The following WDR37 variants were observed in gnomAD, a reference collection of about 807,000 sequenced individuals.
The protein encoded by WDR37 is WD repeat domain 37.
A neutral mutation model predicts 62.9 loss-of-function variants in WDR37; 19 were observed. The ratio of observed to expected loss-of-function variants is 0.30; its 90% CI spans 0.21 to 0.44. The LOEUF is 0.44. WDR37 is among the 20% of genes least tolerant of loss of function. The pLI is 1.00. For missense variants in WDR37, 474 were observed against 657.6 expected (o/e 0.72, Z 3.05); for synonymous variants, 250 against 260.9 (o/e 0.96, Z 0.40).
At chr10:1,068,804 T>C (rs555250515) in intron 1 of WDR37, among the ~76,000 whole-genome samples, 132 of 152,332 alleles carry the variant, frequency 8.7e-4, no homozygotes, top group Middle Eastern at 3.4e-3. Context: ...TTAACCTTCA[T>C]AATAACCTAA....
chr10:1,126,173 A>G (rs1485162140), intron 13 of WDR37, among the ~76,000 whole-genome samples: 1 of 152,130 alleles, frequency 6.6e-6, no homozygotes, highest in Non-Finnish European at 1.5e-5. Flanking sequence ...TGGGAGGCTG[A>G]GGCGGGCAGA....
chr10:1,095,753 C>T (rs896169660), intron 8 of WDR37, among the ~76,000 whole-genome samples: 1 of 152,162 alleles, frequency 6.6e-6, no homozygotes, highest in Non-Finnish European at 1.5e-5. Flanking sequence ...GTGCCTGGCC[C>T]ATTGAAAGGC....
At position 1,084,510 on chromosome 10, in the gene WDR37, G is replaced by C. The variant is rs958078436; in HGVS notation, c.504G>C (p.Gln168His). 1 of 1,614,068 alleles carries C rather than the reference G, an allele frequency of 6.2e-7. No individual in the cohort carries two copies. The highest frequency in any genetic ancestry group is 1.7e-5 in the Admixed American group (1 of 60,000). ...GGGATGTCAGCGTGGCCAAGACACA[G>C]CCAGTGGTGCTCGGGACTGCATCAG... is the stretch of plus-strand genomic sequence containing the variant. ...GIWDVSVAKT[Q>H]PVVLGTASAD... The change falls in exon 6 of 14, where the codon CAG becomes CAC. Residue 168 changes from glutamine to histidine, a missense_variant. Gln to His is a conservative substitution (Grantham distance 24). Coordinates refer to ENST00000263150, the MANE Select transcript of WDR37 (RefSeq NM_014023.4).
chr10:1,092,640 G>A (rs1428544712), intron 7 of WDR37, among the ~76,000 whole-genome samples: 1 of 151,664 alleles, frequency 6.6e-6, no homozygotes, highest in Non-Finnish European at 1.5e-5. Context: ...TTACAGGCGT[G>A]AGCCAGTGCG....
At chr10:1,092,872 CAA>C (rs56220560) in intron 7 of WDR37, among the ~76,000 whole-genome samples, 45 of 41,976 alleles carry the variant, frequency 1.1e-3, no homozygotes, top group East Asian at 3.8e-3. Context: ...CCCTATCTCA[CAA>C]AAAAAAAAAA....
chr10:1,085,888 T>C (rs915467859), intron 6 of WDR37, among the ~76,000 whole-genome samples: 5 of 152,250 alleles, frequency 3.3e-5, no homozygotes, highest in African/African-American at 1.2e-4. Flanking sequence ...GACATGCTTA[T>C]CTCAACAGTT....
At chr10:1,068,514 C>G (rs1193321702) in intron 1 of WDR37, among the ~76,000 whole-genome samples, 2 of 152,020 alleles carry the variant, frequency 1.3e-5, no homozygotes, top group African/African-American at 4.8e-5. Context: ...AATAGCCTGT[C>G]TTGATGACTG....
chr10:1,120,743 G>A (rs1340805072), intron 11 of WDR37, among the ~76,000 whole-genome samples: 2 of 152,188 alleles, frequency 1.3e-5, no homozygotes, highest in African/African-American at 2.4e-5. Context: ...GTTTGATGTC[G>A]TGCCGGAAAA....
chr10:1,125,771 C>T (rs1589126944), intron 13 of WDR37, among the ~76,000 whole-genome samples: 1 of 152,290 alleles, frequency 6.6e-6, no homozygotes, highest in South Asian at 2.1e-4. Flanking sequence ...GCCAGAAGAA[C>T]ACGTTTCTAT....
rs1286816546 is a variant in WDR37, at chr10:1,131,146, C to G, written c.*1802C>G. On this transcript the variant is annotated 3_prime_UTR_variant, in exon 14 of 14. Coordinates refer to ENST00000263150, the MANE Select transcript of WDR37 (RefSeq NM_014023.4). ...CTGTCCTGAGCGAACTTGCCTGATGCAGGGCTGTGCTGTGTCCAGATGTTG... is the reference window on the plus strand; with the variant it reads ...CTGTCCTGAGCGAACTTGCCTGATGGAGGGCTGTGCTGTGTCCAGATGTTG... 4 of 152,446 alleles carry G rather than the reference C, an allele frequency of 2.6e-5. No individual in the cohort carries two copies. The highest frequency in any genetic ancestry group is 7.2e-5 in the African/African-American group (3 of 41,578). The allele number at this position is 152,446 out of a possible 1,614,324, so 9.4% of individuals were successfully genotyped here.
At chr10:1,116,136 C>G (rs1835387501) in intron 11 of WDR37, among the ~76,000 whole-genome samples, 1 of 152,164 alleles carries the variant, frequency 6.6e-6, no homozygotes, top group Non-Finnish European at 1.5e-5. Flanking sequence ...AGGCAACCTC[C>G]CGTCATCCAC....
chr10:1,101,192 G>A (rs1834787093), intron 9 of WDR37, among the ~76,000 whole-genome samples: 1 of 152,186 alleles, frequency 6.6e-6, no homozygotes, highest in Non-Finnish European at 1.5e-5. Context: ...GTTTTCTGGG[G>A]CTGCCATAAC....
rs74120418 is a variant in WDR37 at position 1,075,701 on chromosome 10, C to T, written c.139-2206C>T. ...GGATGTTCACAGAGTGGGAATGGGGCGTGCAGAGGCCACAGGGCAGGGAAA... is the reference window on the plus strand; with the variant it reads ...GGATGTTCACAGAGTGGGAATGGGGTGTGCAGAGGCCACAGGGCAGGGAAA... On this transcript the variant is annotated intron_variant, in intron 2 of 13. Coordinates refer to ENST00000263150, the MANE Select transcript of WDR37 (RefSeq NM_014023.4). Among the ~76,000 whole-genome samples, 867 of 151,134 alleles carry T rather than the reference C, an allele frequency of 5.7e-3. 10 individuals are homozygous for T. Among genetic ancestry groups the T allele is most frequent in the African/African-American group, 0.02 (821 of 41,140 alleles).
In WDR37 at chr10:1,121,241, G is replaced by T. The variant is rs1403584693; in HGVS notation, c.1104-2977G>T. Among the ~76,000 whole-genome samples, 1 of 152,164 alleles carries T rather than the reference G, an allele frequency of 6.6e-6. No homozygotes were observed. Among genetic ancestry groups the T allele is most frequent in the Non-Finnish European group, 1.5e-5 (1 of 68,034 alleles). ...TAGCATTTCATTAACATGGAGTTAG[G>T]CGATCTTTTGTTGAGCCTTTTTTCC... On this transcript the variant is annotated intron_variant, in intron 11 of 13. Coordinates refer to ENST00000263150, the MANE Select transcript of WDR37 (RefSeq NM_014023.4). The surrounding 1 kb of genome is among the most constrained non-coding windows in gnomAD (Gnocchi z 4.5).
At position 1,103,662 on chromosome 10, in the gene WDR37, G is replaced by C; in HGVS notation, c.787G>C (p.Val263Leu). The C allele has an allele frequency of 6.2e-7, 1 of 1,614,266 alleles. No homozygotes were observed. The change falls in exon 10 of 14, where the codon GTG (valine) becomes CTG (leucine). Residue 263 changes from valine to leucine, a missense_variant. Transcript: ENST00000263150. The surrounding 1 kb of genome is among the most constrained non-coding windows in gnomAD (Gnocchi z 6.3). ...DKDEPDLDGD[V>L]SSDCPTIRVP... Reference sequence around the variant, plus strand: ...GGACGAGCCCGACCTCGATGGGGATGTGTCCAGCGACTGCCCCACCATCCG... The same window carrying C: ...GGACGAGCCCGACCTCGATGGGGATCTGTCCAGCGACTGCCCCACCATCCG...
chr10:1,107,225 C>T (rs754095201), intron 11 of WDR37, among the ~76,000 whole-genome samples: 12 of 152,222 alleles, frequency 7.9e-5, no homozygotes, highest in African/African-American at 1.9e-4. Flanking sequence ...TGGTGCTCCC[C>T]GACGTCCACC....
chr10:1,080,241 G>A lies in WDR37; in HGVS notation c.331+135G>A, dbSNP rs1325112289. Reference sequence around the variant, plus strand: ...CTATCTAATTCAGGTGTGGGTCTAGGAGAATAAGGAGCTCGGTTCTTGTTC... The same window carrying A: ...CTATCTAATTCAGGTGTGGGTCTAGAAGAATAAGGAGCTCGGTTCTTGTTC... On this transcript the variant is annotated intron_variant, in intron 4 of 13. Transcript: ENST00000263150. 3.2e-5 allele frequency: 40 copies of A among 1,257,478 alleles called. No homozygotes were observed. In the East Asian group the frequency reaches 9.7e-4, roughly 31 times the overall value. 77.9% of individuals were successfully genotyped at this position (1,257,478 alleles called of 1,614,324 possible). A position where few individuals can be genotyped will look rare whatever the true frequency, so the allele number is the denominator to read the frequency against.
chr10:1,128,735 A>G (rs1485167466), intron 13 of WDR37, among the ~76,000 whole-genome samples: 1 of 152,118 alleles, frequency 6.6e-6, no homozygotes, highest in African/African-American at 2.4e-5. Flanking sequence ...GGTTCCACCA[A>G]CCCTCGTGCT....
Position 1,124,335 on chromosome 10 carries a change from G to C in WDR37, c.1221G>C (p.Thr407=), listed in dbSNP as rs771336782. 4 of 1,614,164 alleles carry C rather than the reference G, an allele frequency of 2.5e-6. No homozygotes were observed. The East Asian group carries it at 8.9e-5, about 36-fold the overall frequency. ...NMRSPIATIR[T]DSAINRINVC... is the part of the protein sequence containing the mutation. Reference sequence around the variant, plus strand: ...GATCCCCCATTGCAACTATTCGCACGGACTCTGCCATTAACAGGTAAAGTC... The same window carrying C: ...GATCCCCCATTGCAACTATTCGCACCGACTCTGCCATTAACAGGTAAAGTC... Residue 407 remains threonine (T), a synonymous_variant, in exon 12 of 14, where the codon ACG becomes ACC. Transcript: ENST00000263150.
Sources: gnomAD v4.1 joint callset for allele counts (sites outside exome capture counted in the v4.1 genomes callset) on GRCh38, gnomAD v4.1.1 for gene constraint, Gnocchi (gnomAD v3.1) non-coding constraint, MANE v1.5 for transcripts, NCBI Gene and HGNC (gene_info 2026-07-23, HGNC 2026-07-21) for gene names.